GPC6: variants seen among roughly 807,000 people sequenced by gnomAD.
GPC6 encodes the protein glypican-6.
GPC6 carries 14 observed loss-of-function variants against 55.2 expected under a neutral mutation model. That is an observed-to-expected ratio of 0.25 (90% CI 0.17 to 0.40). The LOEUF (loss-of-function observed/expected upper bound fraction) is 0.40. GPC6 is among the 10% of genes least tolerant of loss of function. The pLI is 1.00. For missense variants in GPC6, 641 were observed against 708.5 expected, an observed-to-expected ratio of 0.90 and a Z score of 1.08; for synonymous variants, 278 against 259.6, an observed-to-expected ratio of 1.07 and a Z score of -0.68.
chr13:93,344,974 G>A, intron 1 of GPC6, among the ~76,000 whole-genome samples: 1 of 152,132 alleles, frequency 6.6e-6, no homozygotes, highest in East Asian at 1.9e-4. Flanking sequence ...TATTTATGTT[G>A]ATGTCATGCT....
chr13:94,181,214 G>A (rs1447973456), intron 4 of GPC6, among the ~76,000 whole-genome samples: 4 of 152,092 alleles, frequency 2.6e-5, no homozygotes, highest in Admixed American at 2.0e-4. Context: ...ATCATTCTTT[G>A]TACACCCCTC....
chr13:94,242,284 A>G (rs1182942464), intron 4 of GPC6, among the ~76,000 whole-genome samples: 1 of 152,058 alleles, frequency 6.6e-6, no homozygotes, highest in East Asian at 1.9e-4. Context: ...GAACACTTTT[A>G]CACTGTTGGT....
chr13:93,873,127 A>G (rs1188029942), intron 3 of GPC6, among the ~76,000 whole-genome samples: 1 of 151,008 alleles, frequency 6.6e-6, no homozygotes, highest in Non-Finnish European at 1.5e-5. Flanking sequence ...TTTTTTTTTA[A>G]TTAATGAGGG....
chr13:94,034,252 A>AAGGAAGGAGGGAAG (rs1594683128), intron 4 of GPC6, among the ~76,000 whole-genome samples: 1 of 57,076 alleles, frequency 1.8e-5, no homozygotes, highest in South Asian at 5.7e-4. Flanking sequence ...AAGGAAGGAA[A>AAGGAAGGAGGGAAG]GAAAGAAAGA....
At chr13:93,687,696 A>G (rs1181763785) in intron 2 of GPC6, among the ~76,000 whole-genome samples, 3 of 152,098 alleles carry the variant, frequency 2.0e-5, no homozygotes, top group African/African-American at 7.2e-5. Context: ...AAGTGCTAAC[A>G]TATTAATGTT....
intron 4 of GPC6, among the ~76,000 whole-genome samples, chr13:94,178,557 G>T (rs1007771871): frequency 1.3e-5 from 2 of 152,150 alleles, no homozygotes; most frequent in Non-Finnish European, 2.9e-5. Context: ...AGTGGGTTTT[G>T]TTTTTCTTTC....
intron 4 of GPC6, among the ~76,000 whole-genome samples, chr13:94,123,174 T>C (rs1467643833): frequency 6.6e-6 from 1 of 152,038 alleles, no homozygotes; most frequent in Non-Finnish European, 1.5e-5. Context: ...TAGTAAATAT[T>C]TAAGTATCAA....
intron 1 of GPC6, among the ~76,000 whole-genome samples, chr13:93,316,986 A>G (rs1016601410): frequency 6.6e-6 from 1 of 152,118 alleles, no homozygotes; most frequent in South Asian, 2.1e-4. Context: ...ACTGTGAGCC[A>G]TTCTCATTTG....
chr13:93,879,961 A>G (rs1874855741), intron 3 of GPC6, among the ~76,000 whole-genome samples: 3 of 151,058 alleles, frequency 2.0e-5, no homozygotes, highest in Admixed American at 1.3e-4. Context: ...AACACATGAA[A>G]AAATGCTCAT....
chr13:93,747,650 G>T (rs189423440), intron 2 of GPC6, among the ~76,000 whole-genome samples: 1 of 152,124 alleles, frequency 6.6e-6, no homozygotes, highest in Admixed American at 6.5e-5. Context: ...ATTACATGAG[G>T]TATTCAACAC....
At chr13:93,347,928 G>A (rs1880485651) in intron 1 of GPC6, among the ~76,000 whole-genome samples, 1 of 152,100 alleles carries the variant, frequency 6.6e-6, no homozygotes, top group Admixed American at 6.6e-5. Flanking sequence ...AACCAGTGTG[G>A]GCAAAGCTTC....
At chr13:93,276,489 AGAGAGAGTGTGTGTGT>A (rs781625308) in intron 1 of GPC6, among the ~76,000 whole-genome samples, 333 of 131,298 alleles carry the variant, frequency 2.5e-3, no homozygotes, top group Middle Eastern at 7.8e-3. Flanking sequence ...AGAGAGAGAG[AGAGAGAGTGTGTGTGT>A]GTGTGTGTGT....
intron 4 of GPC6, among the ~76,000 whole-genome samples, chr13:94,079,025 G>A (rs994668956): frequency 4.0e-5 from 6 of 151,838 alleles, no homozygotes; most frequent in Non-Finnish European, 1.5e-5. Context: ...ACCAACTGGG[G>A]ATTGAAAATA....
At chr13:93,270,753 TC>T (rs1409130936) in intron 1 of GPC6, among the ~76,000 whole-genome samples, 3 of 147,560 alleles carry the variant, frequency 2.0e-5, no homozygotes, top group East Asian at 3.9e-4. Context: ...AAGTGGACAG[TC>T]CCCCCAGTGT....
chr13:93,908,324 G>C (rs77454497), intron 3 of GPC6, among the ~76,000 whole-genome samples: 5,008 of 152,270 alleles, frequency 0.033, 251 homozygotes, highest in African/African-American at 0.11. Context: ...GAATAGAAAT[G>C]ATTTTCAAAG....
At chr13:93,529,394 G>T (rs560185179) in intron 1 of GPC6, among the ~76,000 whole-genome samples, 12 of 152,040 alleles carry the variant, frequency 7.9e-5, no homozygotes, top group Non-Finnish European at 1.6e-4. Context: ...CTTATAAAAG[G>T]CATCAAAGAA....
At chr13:93,363,186 A>G (rs1474559339) in intron 1 of GPC6, among the ~76,000 whole-genome samples, 1 of 145,628 alleles carries the variant, frequency 6.9e-6, no homozygotes, top group Non-Finnish European at 1.5e-5. Context: ...TACAATGTGC[A>G]GGTTAGTTAC....
chr13:93,698,711 T>C (rs1182389859), intron 2 of GPC6, among the ~76,000 whole-genome samples: 1 of 152,058 alleles, frequency 6.6e-6, no homozygotes, highest in Non-Finnish European at 1.5e-5. Flanking sequence ...CTTTTATTTA[T>C]TTACTTACTC....
At chr13:93,395,959 T>C (rs984102561) in intron 1 of GPC6, 4 of 152,206 alleles carry the variant, frequency 2.6e-5, no homozygotes, top group African/African-American at 9.6e-5. Context: ...TGTGTTAATC[T>C]ATCCCTGATG....
Sources: gnomAD v4.1 joint callset for allele counts (sites outside exome capture counted in the v4.1 genomes callset) on GRCh38, gnomAD v4.1.1 for gene constraint, MANE v1.5 for transcripts, NCBI Gene and HGNC (gene_info 2026-07-23, HGNC 2026-07-21) for gene names.